Variants in NDFIP2 observed in about 807,000 individuals in gnomAD.
NDFIP2 encodes NEDD4 family-interacting protein 2.
A neutral mutation model predicts 36.0 loss-of-function variants in NDFIP2; 19 were observed. The ratio of observed to expected loss-of-function variants is 0.53; its 90% CI spans 0.37 to 0.77. NDFIP2 has a LOEUF of 0.77. Among genes scored for constraint, NDFIP2 ranks in the 30% least tolerant of loss-of-function variants. The pLI is 0.00. For missense variants in NDFIP2, 446 were observed against 435.8 expected (o/e 1.02, Z -0.21); for synonymous variants, 181 against 167.7 (o/e 1.08, Z -0.61).
chr13:79,553,748 T>A lies in NDFIP2; in HGVS notation c.*1235T>A, dbSNP rs1232194416. On this transcript the variant is annotated 3_prime_UTR_variant, in exon 8 of 8. Transcript: ENST00000218652. Reference sequence around the variant, plus strand: ...GAGAGTGTGTAGCCACTATTATAACTGGAATTTAATTTACATTCATAAACT... The same window carrying A: ...GAGAGTGTGTAGCCACTATTATAACAGGAATTTAATTTACATTCATAAACT... 1.3e-5 allele frequency: 2 copies of A among 152,042 alleles called. No individual in the cohort carries two copies. Among genetic ancestry groups the A allele is most frequent in the African/African-American group, 4.8e-5 (2 of 41,404 alleles). The allele number at this position is 152,042 out of a possible 1,614,324, so 9.4% of individuals were successfully genotyped here. A position where few individuals can be genotyped will look rare whatever the true frequency, so the allele number is the denominator to read the frequency against.
intron 5 of NDFIP2, 49 bp from the exon 6 acceptor site, chr13:79,548,279 C>A: frequency 7.8e-7 from 1 of 1,287,328 alleles, no homozygotes; most frequent in South Asian, 1.3e-5. Flanking sequence ...TTATGATTTT[C>A]AAATTCAGGT....
intron 1 of NDFIP2, among the ~76,000 whole-genome samples, chr13:79,498,288 T>C (rs1280810700): frequency 3.3e-5 from 5 of 151,994 alleles, no homozygotes; most frequent in African/African-American, 4.8e-5. Flanking sequence ...ATGCTAGTCA[T>C]GTTGTTTTCT....
At chr13:79,504,635 T>G (rs1466835883) in intron 1 of NDFIP2, among the ~76,000 whole-genome samples, 2 of 19,440 alleles carry the variant, frequency 1.0e-4, no homozygotes, top group African/African-American at 3.9e-4. Flanking sequence ...TTCTCTAAAT[T>G]TTTTTTTTTT....
intron 1 of NDFIP2, among the ~76,000 whole-genome samples, chr13:79,517,773 T>G (rs1874409255): frequency 1.3e-5 from 2 of 152,220 alleles, no homozygotes; most frequent in South Asian, 4.1e-4. Context: ...TCCTTTCATT[T>G]TAGTTATTTG....
intron 1 of NDFIP2, among the ~76,000 whole-genome samples, chr13:79,489,472 GA>G (rs1172997503): frequency 2.0e-5 from 3 of 152,150 alleles, no homozygotes; most frequent in African/African-American, 7.2e-5. Flanking sequence ...AAAGGGAGAA[GA>G]AATGAATTCC....
chr13:79,520,855 C>T lies in NDFIP2; in HGVS notation c.367C>T (p.Pro123Ser), dbSNP rs774365204. 2 of 1,613,844 alleles carry T rather than the reference C, an allele frequency of 1.2e-6. No homozygotes were observed. The highest frequency in any genetic ancestry group is 1.7e-6 in the Non-Finnish European group (2 of 1,179,928). ...CTCAGAATCATCGGCTATAGAGCAG[C>T]CACCTACTTCAAACCCAGCACCGCA... ...DNSESSAIEQ[P>S]PTSNPAPQIV... is the part of the protein sequence containing the mutation. Residue 123 changes from proline (P) to serine (S), a missense_variant, in exon 2 of 8, where the codon CCA (proline) becomes TCA (serine). This residue lies in a region of NDFIP2 where 369 missense variants were observed against 304.8 expected (regional missense o/e 1.21). Coordinates refer to ENST00000218652, the MANE Select transcript of NDFIP2 (RefSeq NM_019080.3).
chr13:79,520,634 C>G (rs538937241), intron 1 of NDFIP2, among the ~76,000 whole-genome samples, 176 bp from the exon 2 acceptor site: 4 of 152,234 alleles, frequency 2.6e-5, no homozygotes, highest in East Asian at 3.9e-4. Flanking sequence ...TAAGTCTTTA[C>G]AAATTGTTTT....
At chr13:79,510,387 T>G (rs913270704) in intron 1 of NDFIP2, among the ~76,000 whole-genome samples, 15 of 151,852 alleles carry the variant, frequency 9.9e-5, no homozygotes, top group Non-Finnish European at 1.9e-4. Flanking sequence ...TTTTTGTTTT[T>G]TTTTTTTTGA....
intron 5 of NDFIP2, among the ~76,000 whole-genome samples, chr13:79,544,016 T>C (rs1199000794): frequency 6.6e-6 from 1 of 152,192 alleles, no homozygotes; most frequent in African/African-American, 2.4e-5. Flanking sequence ...AGGATTTTTA[T>C]GAGGTATGGA....
rs1287107414 is a variant in NDFIP2 at position 79,520,803 on chromosome 13, C to T, written c.322-7C>T. 1.3e-6 allele frequency: 2 copies of T among 1,591,436 alleles called. No homozygotes were observed. The highest frequency in any genetic ancestry group is 2.7e-5 in the African/African-American group (2 of 73,888). The stretch of plus-strand genomic sequence containing the variant: ...ATTAATGTTTTGTTTTTCTTTTGTT[C>T]TCTTAGCTTCTTAATGAAGAGGATA... On this transcript the variant is annotated splice_polypyrimidine_tract_variant and splice_region_variant and intron_variant, in intron 1 of 7. Transcript: ENST00000218652.
intron 5 of NDFIP2, among the ~76,000 whole-genome samples, chr13:79,547,938 TA>T (rs1875750070): frequency 6.6e-6 from 1 of 152,086 alleles, no homozygotes; most frequent in African/African-American, 2.4e-5. Flanking sequence ...CTTTTGGTGT[TA>T]ATATCTGAAG....
At chr13:79,524,874 C>A (rs1041728695) in intron 2 of NDFIP2, among the ~76,000 whole-genome samples, 2 of 152,168 alleles carry the variant, frequency 1.3e-5, no homozygotes, top group Non-Finnish European at 2.9e-5. Context: ...GTTAATCTGT[C>A]CTTCCATGTT....
At chr13:79,511,784 G>A (rs1459053609) in intron 1 of NDFIP2, among the ~76,000 whole-genome samples, 1 of 152,204 alleles carries the variant, frequency 6.6e-6, no homozygotes, top group East Asian at 1.9e-4. Flanking sequence ...CTTATGATCT[G>A]ATTGGGAAGG....
chr13:79,542,873 C>T (rs1875513025), intron 4 of NDFIP2, among the ~76,000 whole-genome samples: 2 of 149,400 alleles, frequency 1.3e-5, no homozygotes, highest in Non-Finnish European at 1.5e-5. Context: ...TTTTGTTTAC[C>T]TTTTTTTTCC....
chr13:79,490,459 G>C (rs1268999088), intron 1 of NDFIP2, among the ~76,000 whole-genome samples: 1 of 152,130 alleles, frequency 6.6e-6, no homozygotes, highest in African/African-American at 2.4e-5. Flanking sequence ...TGGTGATGTA[G>C]ACCAGGGGTT....
chr13:79,515,253 A>G (rs1874243237), intron 1 of NDFIP2, among the ~76,000 whole-genome samples: 1 of 148,558 alleles, frequency 6.7e-6, no homozygotes, highest in Non-Finnish European at 1.5e-5. Context: ...TATGTGTCCC[A>G]TCGTTGAACT....
chr13:79,538,938 C>T (rs1875352471), intron 3 of NDFIP2, among the ~76,000 whole-genome samples: 1 of 152,170 alleles, frequency 6.6e-6, no homozygotes, highest in South Asian at 2.1e-4. Flanking sequence ...AAGGGGTGGG[C>T]TTCCCAGGCC....
intron 1 of NDFIP2, among the ~76,000 whole-genome samples, chr13:79,498,525 A>G (rs1471807163): frequency 1.3e-5 from 2 of 151,964 alleles, no homozygotes; most frequent in African/African-American, 4.8e-5. Flanking sequence ...AAGAAAATAA[A>G]TTGATTTCTC....
At chr13:79,510,866 G>A (rs1482342215) in intron 1 of NDFIP2, among the ~76,000 whole-genome samples, 1 of 151,958 alleles carries the variant, frequency 6.6e-6, no homozygotes, top group African/African-American at 2.4e-5. Context: ...AGGTCTGGTG[G>A]CACACACCTG....
Sources: gnomAD v4.1 joint callset for allele counts (sites outside exome capture counted in the v4.1 genomes callset) on GRCh38, gnomAD v4.1.1 for gene constraint, gnomAD v4.1.1 regional missense constraint, MANE v1.5 for transcripts, NCBI Gene and HGNC (gene_info 2026-07-23, HGNC 2026-07-21) for gene names.